FANCD2: variants seen among roughly 807,000 people sequenced by gnomAD.
FANCD2 encodes the protein Fanconi anemia group D2 protein.
Under a neutral mutation model 192.3 loss-of-function variants are expected in FANCD2, and 131 were observed. That is an observed-to-expected ratio of 0.68 (90% CI 0.59 to 0.79). FANCD2 has a LOEUF of 0.79. Ranked by LOEUF, FANCD2 falls within the 30% of genes least tolerant of loss-of-function variation. FANCD2 has a pLI of 0.00. For synonymous variants in FANCD2, 524 were observed against 612.5 expected (o/e 0.86, Z 2.13); for missense variants, 1,508 against 1,701.6 (o/e 0.89, Z 2.00).
chr3:10,058,045 C>A, intron 18 of FANCD2: 1 of 480,880 alleles, frequency 2.1e-6, no homozygotes, highest in South Asian at 1.9e-5. Context: ...CGGCAAAGAT[C>A]ATTTTTCTTC....
In FANCD2 at chr3:10,081,563, A is replaced by C. The variant is rs1693837222; in HGVS notation, c.3224+99A>C. The C allele has an allele frequency of 8.0e-6, 7 of 877,518 alleles. No individual in the cohort carries two copies. In the East Asian group the frequency reaches 1.7e-4, roughly 21 times the overall value. 54.4% of individuals were successfully genotyped at this position (877,518 alleles called of 1,614,324 possible). A position where few individuals can be genotyped will look rare whatever the true frequency, so the allele number is the denominator to read the frequency against. ...TGTAGAAAAGAAAGAAAAGGTTCAA[A>C]AATCTTATGTGAATATGGTTCATTA... is the stretch of plus-strand genomic sequence containing the variant. On this transcript the variant is annotated intron_variant, in intron 32 of 43. Transcript: ENST00000675286.
intron 38 of FANCD2, 148 bp downstream of exon 38, chr3:10,092,400 C>G (rs1241741125): frequency 1.4e-6 from 1 of 740,478 alleles, no homozygotes; most frequent in Non-Finnish European, 2.4e-6. Context: ...GTCCCCCTAC[C>G]CATCCTGGAT....
At chr3:10,100,616 C>T (rs1303166468) in intron 43 of FANCD2, among the ~76,000 whole-genome samples, 1 of 152,154 alleles carries the variant, frequency 6.6e-6, no homozygotes, top group East Asian at 1.9e-4. Flanking sequence ...AGATGATCTA[C>T]CCACCTCAGC....
At position 10,101,572 on chromosome 3, in the gene FANCD2, T is replaced by TA; in HGVS notation, c.*311dup. The TA allele has an allele frequency of 2.5e-6, 1 of 398,392 alleles. No homozygotes were observed. The highest frequency in any genetic ancestry group is 4.7e-6 in the Non-Finnish European group (1 of 212,746). 24.7% of individuals were successfully genotyped at this position (398,392 alleles called of 1,614,324 possible). Reference sequence around the variant, plus strand: ...AGCTAATTTTTGTATTTTTAGTAGATACGGGGTTTTACCATGTCGGCCAGA... The same window carrying TA: ...AGCTAATTTTTGTATTTTTAGTAGATAACGGGGTTTTACCATGTCGGCCAGA... On this transcript the variant is annotated 3_prime_UTR_variant, in exon 44 of 44. Transcript: ENST00000675286.
Position 10,060,370 on chromosome 3 carries a change from C to A in FANCD2, c.1733C>A (p.Ala578Asp), listed in dbSNP as rs1393921678. Residue 578 changes from alanine (A) to aspartate (D), a missense_variant, in exon 19 of 44, where the codon GCT becomes GAT. Around this residue, in one of 5 missense-constraint regions of FANCD2, gnomAD observed 110 missense variants for 114.4 expected, o/e 0.96. Transcript: ENST00000675286. ...FKYKLIGIIG[A>D]VTMAGIMAAD... ...TACAAGCTCATTGGGATTATTGGTG[C>A]TGTGACCATGGCTGGCATCATGGCG... The A allele has an allele frequency of 6.2e-7, 1 of 1,613,922 alleles. No individual in the cohort carries two copies.
intron 30 of FANCD2, among the ~76,000 whole-genome samples, chr3:10,078,995 C>T (rs559888047): frequency 3.6e-4 from 55 of 151,850 alleles, no homozygotes; most frequent in Middle Eastern, 6.8e-3. Context: ...AATTCCAGCA[C>T]GTTGGAAGGC....
At chr3:10,042,686 A>G in intron 11 of FANCD2, 23 bp downstream of exon 11, 1 of 1,588,078 alleles carries the variant, frequency 6.3e-7, no homozygotes, top group Non-Finnish European at 8.6e-7. Context: ...ATCCCATCAC[A>G]CCTAGATAAA....
At chr3:10,038,489 CCAA>C (rs1279344176) in intron 7 of FANCD2, among the ~76,000 whole-genome samples, 1 of 151,858 alleles carries the variant, frequency 6.6e-6, no homozygotes, top group Non-Finnish European at 1.5e-5. Context: ...GATAATTGAG[CCAA>C]CATTTCTTTA....
At chr3:10,059,429 G>T (rs574939527) in intron 18 of FANCD2, among the ~76,000 whole-genome samples, 2 of 152,108 alleles carry the variant, frequency 1.3e-5, no homozygotes, top group African/African-American at 2.4e-5. Flanking sequence ...AACAATAAAA[G>T]ATATTATTAT....
At chr3:10,052,569 G>C in intron 18 of FANCD2, 72 bp downstream of exon 18, 1 of 1,017,538 alleles carries the variant, frequency 9.8e-7, no homozygotes, top group Non-Finnish European at 1.5e-6. Flanking sequence ...CTAGACTGGA[G>C]TGCAGTTGGC....
chr3:10,041,799 A>G (rs2086870106), intron 10 of FANCD2, 89 bp downstream of exon 10: 9 of 898,122 alleles, frequency 1.0e-5, no homozygotes, highest in Non-Finnish European at 1.7e-5. Context: ...GGAGTAATGA[A>G]TATTTCATTT....
At chr3:10,085,453 A>G (rs910581627) in intron 32 of FANCD2, among the ~76,000 whole-genome samples, 2 of 145,124 alleles carry the variant, frequency 1.4e-5, no homozygotes, top group Non-Finnish European at 3.0e-5. Context: ...GTGCAGTGGC[A>G]CAATCTCGGC....
intron 18 of FANCD2, among the ~76,000 whole-genome samples, chr3:10,056,613 C>T (rs1452886564): frequency 6.6e-6 from 1 of 152,114 alleles, no homozygotes; most frequent in Non-Finnish European, 1.5e-5. Context: ...TTCACTGCAG[C>T]CTGGAAATCC....
chr3:10,079,361 G>T (rs1232625147), intron 30 of FANCD2, among the ~76,000 whole-genome samples: 1 of 152,194 alleles, frequency 6.6e-6, no homozygotes, highest in Non-Finnish European at 1.5e-5. Flanking sequence ...CTGGAGTGCA[G>T]TGGTGCAATC....
intron 20 of FANCD2, among the ~76,000 whole-genome samples, chr3:10,063,177 G>A (rs892036800): frequency 1.3e-5 from 2 of 151,966 alleles, no homozygotes; most frequent in African/African-American, 4.8e-5. Flanking sequence ...GTTTGCGATT[G>A]TAATCCTAGC....
In FANCD2 at chr3:10,088,534, T is replaced by A. The variant is rs780304251; in HGVS notation, c.3552T>A (p.Ala1184=). The A allele has an allele frequency of 1.3e-6, 2 of 1,599,028 alleles. No individual in the cohort carries two copies. Among genetic ancestry groups the A allele is most frequent in the East Asian group, 4.5e-5 (2 of 44,828 alleles). ...ACATCTCTAATGACCAGCTCCATGC[T>A]CTGCTCTGGTGAGATGTTTGGTTTC... ...KSNISNDQLH[A]LLCIYLEHTE... is the part of the protein sequence containing the mutation. Residue 1184 remains alanine (A), a synonymous_variant, in exon 35 of 44, where the codon GCT becomes GCA. Transcript: ENST00000675286.
intron 37 of FANCD2, among the ~76,000 whole-genome samples, chr3:10,091,429 A>G (rs1004076807): frequency 6.7e-6 from 1 of 149,586 alleles, no homozygotes; most frequent in African/African-American, 2.5e-5. Flanking sequence ...CCAAGTTTGC[A>G]CCACTGCACT....
rs139033444 is a variant in FANCD2, at chr3:10,064,810, G to T, written c.2103G>T (p.Pro701=). The T allele has an allele frequency of 1.9e-4, 313 of 1,613,828 alleles. No individual in the cohort carries two copies. Among genetic ancestry groups the T allele is most frequent in the Non-Finnish European group, 2.5e-4 (296 of 1,179,830 alleles). The change falls in exon 23 of 44, where the codon CCG becomes CCT. Residue 701 remains proline, a synonymous_variant. Transcript: ENST00000675286. ...ATGGGATTGCCATAAACCTCCTGCCGCTGCTGTTTTCTCAGGACTTTGCAA... is the reference window on the plus strand; with the variant it reads ...ATGGGATTGCCATAAACCTCCTGCCTCTGCTGTTTTCTCAGGACTTTGCAA... ...TQDGIAINLL[P]LLFSQDFAKD...
chr3:10,059,752 G>T (rs1444367971), intron 18 of FANCD2, among the ~76,000 whole-genome samples: 1 of 151,884 alleles, frequency 6.6e-6, no homozygotes, highest in Non-Finnish European at 1.5e-5. Flanking sequence ...CTAGCAGTGA[G>T]CCAAGATGGC....
Sources: allele counts gnomAD v4.1 joint callset (sites outside exome capture counted in the v4.1 genomes callset), GRCh38; gene constraint gnomAD v4.1.1; regional missense constraint gnomAD v4.1.1; transcripts MANE v1.5; gene names NCBI Gene and HGNC (gene_info 2026-07-23, HGNC 2026-07-21).